Variants in ZNF407 observed in about 807,000 individuals in gnomAD.
ZNF407 encodes zinc finger protein 407.
In ZNF407, 17 loss-of-function variants were observed where a neutral mutation model predicts 131.2. The ratio of observed to expected loss-of-function variants is 0.13; its 90% CI spans 0.09 to 0.19. The LOEUF (loss-of-function observed/expected upper bound fraction) is 0.19. ZNF407 is among the 10% of genes least tolerant of loss of function. The pLI is 1.00. For synonymous variants in ZNF407, 1,156 were observed against 1,062.0 expected (o/e 1.09, Z -1.72); for missense variants, 2,681 against 2,830.6 (o/e 0.95, Z 1.20).
intron 3 of ZNF407, among the ~76,000 whole-genome samples, chr18:74,741,845 A>G (rs1457459764): frequency 6.6e-6 from 1 of 152,132 alleles, no homozygotes; most frequent in East Asian, 1.9e-4. Context: ...GTTACTTGGA[A>G]TCTGTCATGC....
chr18:74,843,813 A>T (rs1482974773), intron 4 of ZNF407, among the ~76,000 whole-genome samples: 8 of 152,318 alleles, frequency 5.3e-5, no homozygotes, highest in African/African-American at 1.9e-4. Flanking sequence ...GGGATAAGCC[A>T]TGTTCCACTT....
intron 3 of ZNF407, among the ~76,000 whole-genome samples, chr18:74,691,652 A>G (rs539261169): frequency 1.3e-5 from 2 of 151,960 alleles, no homozygotes; most frequent in African/African-American, 4.8e-5. Context: ...TTTATTTTAG[A>G]CCTTTTTTCT....
At chr18:75,038,898 G>T (rs1359861046) in intron 8 of ZNF407, among the ~76,000 whole-genome samples, 1 of 152,184 alleles carries the variant, frequency 6.6e-6, no homozygotes, top group African/African-American at 2.4e-5. Context: ...AACTTAGGCA[G>T]ATATCTGAGG....
At chr18:74,757,372 T>G (rs1968988677) in intron 3 of ZNF407, among the ~76,000 whole-genome samples, 1 of 152,106 alleles carries the variant, frequency 6.6e-6, no homozygotes, top group South Asian at 2.1e-4. Flanking sequence ...CATCTCAAAC[T>G]GTTTTAAAAT....
intron 8 of ZNF407, among the ~76,000 whole-genome samples, chr18:74,939,739 A>C (rs1189625161): frequency 6.6e-6 from 1 of 152,230 alleles, no homozygotes; most frequent in Non-Finnish European, 1.5e-5. Flanking sequence ...GCTTTTTGTA[A>C]TCAAAAGAGA....
At chr18:74,731,304 C>T (rs186789995) in intron 3 of ZNF407, among the ~76,000 whole-genome samples, 18 of 152,284 alleles carry the variant, frequency 1.2e-4, no homozygotes, top group Non-Finnish European at 2.6e-4. Flanking sequence ...AGATGCATTT[C>T]GGGCGAGTCA....
intron 4 of ZNF407, among the ~76,000 whole-genome samples, chr18:74,858,648 G>T (rs1439545959): frequency 6.6e-6 from 1 of 152,164 alleles, no homozygotes; most frequent in East Asian, 1.9e-4. Context: ...TGACCTTTCT[G>T]CCCTGTTCAG....
chr18:74,940,509 G>A lies in ZNF407; in HGVS notation c.5428+19817G>A, dbSNP rs925566159. Among the ~76,000 whole-genome samples the A allele has an allele frequency of 3.3e-5, 5 of 152,080 alleles. No individual in the cohort carries two copies. In the East Asian group the frequency reaches 7.7e-4, roughly 23 times the overall value. ...GGGAGACACCAGAGGAAGCTGATGC[G>A]CTCAGGGCTAATAGGGGCCAGACTT... On this transcript the variant is annotated intron_variant, in intron 8 of 8. Transcript: ENST00000299687.
intron 1 of ZNF407, among the ~76,000 whole-genome samples, chr18:74,611,107 A>C (rs1280466800): frequency 6.6e-6 from 1 of 152,192 alleles, no homozygotes; most frequent in Admixed American, 6.5e-5. Context: ...GTATGTTTTT[A>C]ATTCACATTA....
At position 74,634,417 on chromosome 18, in the gene ZNF407, A is replaced by G. The variant is rs760474855; in HGVS notation, c.3398A>G (p.Asn1133Ser). 2 of 1,613,556 alleles carry G rather than the reference A, an allele frequency of 1.2e-6. No individual in the cohort carries two copies. The highest frequency in any genetic ancestry group is 2.2e-5 in the East Asian group (1 of 44,884). Reference protein sequence around the residue: ...NAADCSILNENTNLDMSKVLC... With the variant: ...NAADCSILNESTNLDMSKVLC... Reference sequence around the variant, plus strand: ...GCAGATTGCTCTATTTTAAATGAGAATACTAATTTAGATATGTCTAAAGTG... The same window carrying G: ...GCAGATTGCTCTATTTTAAATGAGAGTACTAATTTAGATATGTCTAAAGTG... The change falls in exon 2 of 9, where the codon AAT (asparagine) becomes AGT (serine). Residue 1133 changes from asparagine (N) to serine (S), a missense_variant. Asn to Ser is a conservative substitution (Grantham distance 46). Transcript: ENST00000299687.
intron 1 of ZNF407, among the ~76,000 whole-genome samples, chr18:74,620,060 C>A (rs906908705): frequency 6.7e-6 from 1 of 149,756 alleles, no homozygotes; most frequent in South Asian, 2.1e-4. Flanking sequence ...GATGGAAATG[C>A]CAATAAAGCA....
At chr18:74,732,885 A>T (rs942682667) in intron 3 of ZNF407, among the ~76,000 whole-genome samples, 1 of 152,120 alleles carries the variant, frequency 6.6e-6, no homozygotes, top group Non-Finnish European at 1.5e-5. Flanking sequence ...AAAGTGTGTA[A>T]TTTTGAAATC....
chr18:74,961,975 C>T (rs1034965852), intron 8 of ZNF407, among the ~76,000 whole-genome samples: 4 of 152,094 alleles, frequency 2.6e-5, no homozygotes. Flanking sequence ...CAGAAAAATA[C>T]GTTCATTAGG....
At chr18:74,660,493 T>G (rs1399768587) in intron 3 of ZNF407, among the ~76,000 whole-genome samples, 1 of 152,136 alleles carries the variant, frequency 6.6e-6, no homozygotes, top group African/African-American at 2.4e-5. Flanking sequence ...CCAAGTAATA[T>G]CTAGTGACCT....
At position 74,782,603 on chromosome 18, in the gene ZNF407, C is replaced by T. The variant is rs549032705; in HGVS notation, c.4877+1101C>T. On this transcript the variant is annotated intron_variant, in intron 4 of 8. Coordinates refer to ENST00000299687, the MANE Select transcript of ZNF407 (RefSeq NM_017757.3). The stretch of plus-strand genomic sequence containing the variant: ...CTCTCTTCTTTCTTCCTGTTCTCCC[C>T]GTTCTCCCCTTTCTCCCCGTTCTCC... 3.3e-5 allele frequency among the ~76,000 whole-genome samples: 5 copies of T among 151,738 alleles called. No individual in the cohort carries two copies. The South Asian group carries it at 6.3e-4, about 19-fold the overall frequency.
rs368977075 is a variant in ZNF407, at chr18:74,963,148, A to T, written c.5428+42456A>T. Among the ~76,000 whole-genome samples the T allele has an allele frequency of 6.7e-4, 94 of 140,550 alleles. 1 individual carries two copies. Among genetic ancestry groups the T allele is most frequent in the African/African-American group, 2.3e-3 (83 of 36,048 alleles). The allele number at this position is 140,550 out of a possible 152,430, so 92.2% of individuals were successfully genotyped here. On this transcript the variant is annotated intron_variant, in intron 8 of 8. Transcript: ENST00000299687. ...CTCTCATTTCCATTGACTAACCTTCATTCCTTTTTTTTTTTTTTTTTGTCC... is the reference window on the plus strand; with the variant it reads ...CTCTCATTTCCATTGACTAACCTTCTTTCCTTTTTTTTTTTTTTTTTGTCC...
At chr18:74,718,317 TG>T in intron 3 of ZNF407, among the ~76,000 whole-genome samples, 1 of 151,914 alleles carries the variant, frequency 6.6e-6, no homozygotes, top group Middle Eastern at 3.4e-3. Flanking sequence ...AGTCTTTTTG[TG>T]ACCAGCCTGA....
chr18:74,892,152 T>C lies in ZNF407; in HGVS notation c.5249+2114T>C, dbSNP rs973668618. Among the ~76,000 whole-genome samples the C allele has an allele frequency of 2.0e-5, 3 of 152,286 alleles. No individual in the cohort carries two copies. The East Asian group carries it at 5.8e-4, about 29-fold the overall frequency. ...ACATTAAAAATAGCACAAGACTGTT[T>C]TGACAAGCCACAAGTTTTTAAATAG... On this transcript the variant is annotated intron_variant, in intron 7 of 8. Transcript: ENST00000299687.
intron 8 of ZNF407, among the ~76,000 whole-genome samples, chr18:74,936,768 T>C (rs1972044712): frequency 1.3e-5 from 2 of 152,206 alleles, no homozygotes; most frequent in Admixed American, 1.3e-4. Context: ...ACCATCCCAT[T>C]TCAGAAATAT....
Sources: allele counts gnomAD v4.1 joint callset (sites outside exome capture counted in the v4.1 genomes callset), GRCh38; gene constraint gnomAD v4.1.1; transcripts MANE v1.5; gene names NCBI Gene and HGNC (gene_info 2026-07-23, HGNC 2026-07-21).